The following ZMYM2 variants were observed in gnomAD, a reference collection of about 807,000 sequenced individuals.
ZMYM2 encodes zinc finger MYM-type containing 2.
A neutral mutation model predicts 162.8 loss-of-function variants in ZMYM2; 56 were observed. That is an observed-to-expected ratio of 0.34 (90% CI 0.28 to 0.43). The LOEUF (loss-of-function observed/expected upper bound fraction) is 0.43, where lower values mean the gene tolerates loss of function less well. ZMYM2 is among the 20% of genes least tolerant of loss of function. The pLI, the probability that ZMYM2 is intolerant of heterozygous loss-of-function variation, is 1.00. For synonymous variants in ZMYM2, 510 were observed against 541.6 expected, an observed-to-expected ratio of 0.94 and a Z score of 0.81; for missense variants, 1,275 against 1,621.8, an observed-to-expected ratio of 0.79 and a Z score of 3.67.
intron 21 of ZMYM2, among the ~76,000 whole-genome samples, chr13:20,079,655 C>T (rs1957782862): frequency 6.6e-6 from 1 of 151,264 alleles, no homozygotes; most frequent in Non-Finnish European, 1.5e-5. Context: ...AGTAATAAAA[C>T]ATTTTGTAAT....
At chr13:20,063,285 C>T (rs763185835) in intron 18 of ZMYM2, among the ~76,000 whole-genome samples, 1 of 151,270 alleles carries the variant, frequency 6.6e-6, no homozygotes, top group South Asian at 2.1e-4. Flanking sequence ...TGCCTGTAAT[C>T]CCAGCTACTC....
At chr13:19,921,012 G>T in the ZMYM2 span, among the ~76,000 whole-genome samples, 5 of 151,260 alleles carry the variant, frequency 3.3e-5, no homozygotes, top group Non-Finnish European at 7.4e-5. Flanking sequence ...CTCATGTTCC[G>T]CCCACTTTGG....
In ZMYM2 at chr13:20,005,200, A is replaced by T. The variant is rs374428386; in HGVS notation, c.1260A>T (p.Leu420=). The T allele has an allele frequency of 2.5e-6, 4 of 1,583,522 alleles. No homozygotes were observed. Among genetic ancestry groups the T allele is most frequent in the Non-Finnish European group, 3.4e-6 (4 of 1,170,326 alleles). Reference sequence around the variant, plus strand: ...AACAGAATCCTACTAAAGGAGCTCTAAATAAATCAAGATGTACAATCTGTG... The same window carrying T: ...AACAGAATCCTACTAAAGGAGCTCTTAATAAATCAAGATGTACAATCTGTG... The part of the protein sequence containing the change: ...EDKQNPTKGA[L]NKSRCTICGK... The change falls in exon 5 of 25, where the codon CTA becomes CTT. Residue 420 remains leucine (L), a synonymous_variant. Transcript: ENST00000610343.
the ZMYM2 span, among the ~76,000 whole-genome samples, chr13:19,902,915 G>A: frequency 1.1e-4 from 17 of 152,072 alleles, no homozygotes; most frequent in Admixed American, 1.1e-3. Context: ...CCAACACTTT[G>A]GGAGGCTGAG....
chr13:19,911,611 G>A, the ZMYM2 span, among the ~76,000 whole-genome samples: 1 of 152,148 alleles, frequency 6.6e-6, no homozygotes, highest in Admixed American at 6.6e-5. Context: ...AGGTCACTGT[G>A]GCCTGCCAGT....
the ZMYM2 span, among the ~76,000 whole-genome samples, chr13:19,906,293 T>TATATAC: frequency 5.1e-5 from 5 of 98,300 alleles, no homozygotes; most frequent in Admixed American, 9.7e-5. Context: ...AGTATATATA[T>TATATAC]ATATATATAT....
the ZMYM2 span, among the ~76,000 whole-genome samples, chr13:19,949,705 G>T: frequency 2.6e-5 from 4 of 151,398 alleles, no homozygotes; most frequent in African/African-American, 9.7e-5. Flanking sequence ...TGGCCAATAT[G>T]GTGAAACGCC....
the ZMYM2 span, among the ~76,000 whole-genome samples, chr13:19,932,986 T>C: frequency 6.6e-6 from 1 of 152,198 alleles, no homozygotes; most frequent in African/African-American, 2.4e-5. Flanking sequence ...TCTCATTCTG[T>C]CACCCAGACT....
At chr13:19,987,522 C>T (rs1949256853) in intron 2 of ZMYM2, among the ~76,000 whole-genome samples, 1 of 151,936 alleles carries the variant, frequency 6.6e-6, no homozygotes, top group Admixed American at 6.6e-5. Context: ...CTGGGCCTCC[C>T]AAAGTGCTGG....
rs201212189 is a variant in ZMYM2 at position 20,026,784 on chromosome 13, A to T, written c.1735+22A>T. 81 of 1,564,924 alleles carry T rather than the reference A, an allele frequency of 5.2e-5. 1 individual carries two copies. The East Asian group carries it at 9.1e-4, about 18-fold the overall frequency. On this transcript the variant is annotated intron_variant, in intron 8 of 24. Coordinates refer to ENST00000610343, the MANE Select transcript of ZMYM2 (RefSeq NM_197968.4). ...CAAAGTAAGTTTCACATATTTGGAC[A>T]GTTAAAAAAACTTTACAACGTAATT...
chr13:19,910,970 G>T, the ZMYM2 span, among the ~76,000 whole-genome samples: 2 of 151,406 alleles, frequency 1.3e-5, no homozygotes, highest in South Asian at 2.1e-4. Context: ...ACGCAGAAAA[G>T]CTCTAAGTCA....
chr13:20,001,602 G>C (rs9578245), intron 3 of ZMYM2, among the ~76,000 whole-genome samples: 15,613 of 152,118 alleles, frequency 0.1, 1,303 homozygotes, highest in African/African-American at 0.22. Context: ...GTTGATAAAG[G>C]AGTTGCAGGG....
the ZMYM2 span, among the ~76,000 whole-genome samples, chr13:19,911,948 C>T: frequency 6.6e-6 from 1 of 152,138 alleles, no homozygotes; most frequent in Non-Finnish European, 1.5e-5. Context: ...GGTGGTGATT[C>T]CCACCACACC....
intron 2 of ZMYM2, among the ~76,000 whole-genome samples, chr13:19,972,503 T>C (rs1011105944): frequency 3.9e-5 from 6 of 152,156 alleles, no homozygotes; most frequent in Non-Finnish European, 7.4e-5. Flanking sequence ...TTAGCTGTCT[T>C]TAAGAGTTAA....
the ZMYM2 span, among the ~76,000 whole-genome samples, chr13:19,887,817 C>T: frequency 6.6e-6 from 1 of 151,320 alleles, no homozygotes. Flanking sequence ...CAATTATTTT[C>T]TTTATTTCTT....
the ZMYM2 span, among the ~76,000 whole-genome samples, chr13:19,884,216 A>G: frequency 6.6e-6 from 1 of 152,056 alleles, no homozygotes; most frequent in African/African-American, 2.4e-5. Context: ...AAAAAATTTA[A>G]AAATTAGCCA....
At chr13:19,885,979 A>ATACACACATATGTG in the ZMYM2 span, among the ~76,000 whole-genome samples, 5 of 34,058 alleles carry the variant, frequency 1.5e-4, 2 homozygotes, top group African/African-American at 2.7e-4. Context: ...ACACATATAT[A>ATACACACATATGTG]TGTATATACA....
the ZMYM2 span, among the ~76,000 whole-genome samples, chr13:19,917,062 A>G: frequency 6.6e-6 from 1 of 152,016 alleles, no homozygotes; most frequent in Non-Finnish European, 1.5e-5. Context: ...TCCCGGGTTC[A>G]CGCCATTCTC....
At chr13:19,979,304 C>A (rs987018639) in intron 2 of ZMYM2, among the ~76,000 whole-genome samples, 10 of 152,050 alleles carry the variant, frequency 6.6e-5, no homozygotes, top group African/African-American at 2.2e-4. Flanking sequence ...CATATTAGGG[C>A]AGTTTTCAGC....
Sources: allele counts gnomAD v4.1 joint callset (sites outside exome capture counted in the v4.1 genomes callset), GRCh38; gene constraint gnomAD v4.1.1; transcripts MANE v1.5; gene names NCBI Gene and HGNC (gene_info 2026-07-23, HGNC 2026-07-21).